Variants in SPTA1 observed in about 807,000 individuals in gnomAD.
SPTA1 encodes spectrin alpha, erythrocytic 1.
Under a neutral mutation model 324.7 loss-of-function variants are expected in SPTA1, and 177 were observed. The ratio of observed to expected loss-of-function variants is 0.55; its 90% CI spans 0.48 to 0.62. The LOEUF (loss-of-function observed/expected upper bound fraction) is 0.62, where lower values mean the gene tolerates loss of function less well. Ranked by LOEUF, SPTA1 falls within the 20% of genes least tolerant of loss-of-function variation. The pLI is 0.00. For synonymous variants in SPTA1, 1,195 were observed against 1,041.3 expected (o/e 1.15, Z -2.84); for missense variants, 3,162 against 2,883.6 (o/e 1.10, Z -2.21).
rs201048261 is a variant in SPTA1, at chr1:158,666,435, G to A, written c.2101C>T (p.Arg701Cys). The change falls in exon 16 of 52, where the codon CGC becomes TGC. Residue 701 changes from arginine to cysteine, a missense_variant. Physicochemically the swap from Arg to Cys is radical, Grantham distance 180 (BLOSUM62 -3). Coordinates refer to ENST00000643759, the MANE Select transcript of SPTA1 (RefSeq NM_003126.4). Reference sequence around the variant, plus strand: ...TGCCACTCAACATCCTCCAGCCAGCGCTGCAAATCTTCTGCATTATTTTCA... The same window carrying A: ...TGCCACTCAACATCCTCCAGCCAGCACTGCAAATCTTCTGCATTATTTTCA... Reference protein sequence around the residue: ...QFENNAEDLQRWLEDVEWQVT... With the variant: ...QFENNAEDLQCWLEDVEWQVT... 1.4e-5 allele frequency: 22 copies of A among 1,613,312 alleles called. No homozygotes were observed. Among genetic ancestry groups the A allele is most frequent in the Admixed American group, 5.0e-5 (3 of 59,974 alleles).
At chr1:158,648,064 T>G (rs1652133255) in intron 26 of SPTA1, among the ~76,000 whole-genome samples, 1 of 152,162 alleles carries the variant, frequency 6.6e-6, no homozygotes, top group Non-Finnish European at 1.5e-5. Flanking sequence ...AGCCTCTGAG[T>G]ATATCTGACA....
intron 39 of SPTA1, among the ~76,000 whole-genome samples, chr1:158,633,678 A>G (rs930176731): frequency 1.3e-5 from 2 of 149,882 alleles, no homozygotes; most frequent in African/African-American, 2.5e-5. Context: ...AAAAAAAAAA[A>G]GAAAAGAAAA....
chr1:158,685,780 A>G (rs425256), intron 1 of SPTA1, among the ~76,000 whole-genome samples: 150,336 of 152,268 alleles, frequency 0.99, 74,237 homozygotes, highest in East Asian at 1. Flanking sequence ...CTTGCAATTA[A>G]TTTAGTTAAT....
intron 51 of SPTA1, 76 bp from the exon 52 acceptor site, chr1:158,611,465 G>A (rs114172862): frequency 9.0e-5 from 140 of 1,558,024 alleles, no homozygotes; most frequent in Admixed American, 1.7e-4. Flanking sequence ...CCCATATTAC[G>A]CCATAAATGC....
At chr1:158,641,735 T>C (rs1651595003) in intron 33 of SPTA1, among the ~76,000 whole-genome samples, 1 of 152,180 alleles carries the variant, frequency 6.6e-6, no homozygotes, top group Non-Finnish European at 1.5e-5. Context: ...GTTCAACCAT[T>C]GGGGAAGACA....
intron 12 of SPTA1, among the ~76,000 whole-genome samples, chr1:158,670,700 T>C (rs2101912623): frequency 6.6e-6 from 1 of 152,318 alleles, no homozygotes; most frequent in African/African-American, 2.4e-5. Context: ...TCACCAGCTT[T>C]CTGGGACATT....
At chr1:158,655,832 T>C (rs990488268) in intron 20 of SPTA1, among the ~76,000 whole-genome samples, 5 of 152,180 alleles carry the variant, frequency 3.3e-5, no homozygotes, top group Non-Finnish European at 5.9e-5. Flanking sequence ...TCTCAACCAA[T>C]TGCATCTTCC....
chr1:158,658,348 A>G (rs140159694), intron 18 of SPTA1, among the ~76,000 whole-genome samples: 110 of 152,304 alleles, frequency 7.2e-4, no homozygotes, highest in African/African-American at 2.5e-3. Context: ...ACAGAGAGAT[A>G]GACCTTTTCA....
In SPTA1 at chr1:158,659,651, C is replaced by T. The variant is rs1308566796; in HGVS notation, c.2587+1636G>A. On this transcript the variant is annotated intron_variant, in intron 18 of 51. Coordinates refer to ENST00000643759, the MANE Select transcript of SPTA1 (RefSeq NM_003126.4). ...CGGAGTCTCGCTCTGTCGCCCAGGC[C>T]GGACTGCGGACTGCAGTGGCGCAAT... is the stretch of plus-strand genomic sequence containing the variant. Among the ~76,000 whole-genome samples the T allele has an allele frequency of 3.8e-4, 17 of 44,250 alleles. 4 individuals are homozygous for T. Among genetic ancestry groups the T allele is most frequent in the Admixed American group, 3.4e-3 (12 of 3,558 alleles). The allele number at this position is 44,250 out of a possible 152,430, so 29.0% of individuals were successfully genotyped here.
chr1:158,680,578 C>T lies in SPTA1; in HGVS notation c.678+5G>A. On this transcript the variant is annotated splice_donor_5th_base_variant and intron_variant, in intron 5 of 51. Coordinates refer to ENST00000643759, the MANE Select transcript of SPTA1 (RefSeq NM_003126.4). Reference sequence around the variant, plus strand: ...CACGGAGTGAATATTTTGCTCCCACCTCACCTCGGCACACTCATTGGCATA... The same window carrying T: ...CACGGAGTGAATATTTTGCTCCCACTTCACCTCGGCACACTCATTGGCATA... The T allele has an allele frequency of 6.2e-7, 1 of 1,613,786 alleles. No homozygotes were observed. The highest frequency in any genetic ancestry group is 8.5e-7 in the Non-Finnish European group (1 of 1,179,796).
chr1:158,639,172 C>T (rs935685311), intron 35 of SPTA1: 10 of 200,840 alleles, frequency 5.0e-5, no homozygotes, highest in Non-Finnish European at 1.0e-4. Flanking sequence ...GAATCCTTGA[C>T]AGGATTTCCA....
Position 158,643,427 on chromosome 1 carries a change from T to G in SPTA1, c.4339-2A>C, listed in dbSNP as rs368931075. On this transcript the variant is annotated splice_acceptor_variant, in intron 30 of 51. Coordinates refer to ENST00000643759, the MANE Select transcript of SPTA1 (RefSeq NM_003126.4). LOFTEE classifies it high-confidence loss of function. ...TTCTAGGTCAGTGATCTTCCCTTCC[T>G]AAATAAAGGAAAAGGAAAGAGCCCA... 3 of 1,613,024 alleles carry G rather than the reference T, an allele frequency of 1.9e-6. No homozygotes were observed. Among genetic ancestry groups the G allele is most frequent in the Non-Finnish European group, 2.5e-6 (3 of 1,179,696 alleles).
intron 5 of SPTA1, among the ~76,000 whole-genome samples, chr1:158,680,131 A>G (rs413514): frequency 0.33 from 50,325 of 151,978 alleles, 9,464 homozygotes; most frequent in South Asian, 0.55. Context: ...TTCCTTCCTC[A>G]ATCCTCCGAA....
In SPTA1 at chr1:158,647,655, C is replaced by A. The variant is rs1375348615; in HGVS notation, c.3780G>T (p.Leu1260=). ...CATTCAGCTCCATTTTCTGTCTCTG[C>A]AGGTCCTCAGTGGCATCTGGATGGG... The part of the protein sequence containing the change: ...SESHPDATED[L]QRQKMELNEA... The change falls in exon 27 of 52, where the codon CTG becomes CTT. Residue 1260 remains leucine (L), a synonymous_variant. Transcript: ENST00000643759. 2 of 1,613,974 alleles carry A rather than the reference C, an allele frequency of 1.2e-6. No homozygotes were observed. The highest frequency in any genetic ancestry group is 8.5e-7 in the Non-Finnish European group (1 of 1,179,934).
At position 158,659,597 on chromosome 1, in the gene SPTA1, T is replaced by TA. The variant is rs1449342226; in HGVS notation, c.2587+1689_2587+1690insT. Among the ~76,000 whole-genome samples the TA allele has an allele frequency of 2.6e-4, 15 of 58,662 alleles. 1 individual carries two copies. Among genetic ancestry groups the TA allele is most frequent in the Non-Finnish European group, 4.4e-4 (10 of 22,486 alleles). The allele number at this position is 58,662 out of a possible 152,430, so 38.5% of individuals were successfully genotyped here. A position where few individuals can be genotyped will look rare whatever the true frequency, so the allele number is the denominator to read the frequency against. On this transcript the variant is annotated intron_variant, in intron 18 of 51. Transcript: ENST00000643759. ...AAGAAAATAATAGTCTTAGCATTAT[T>TA]TTTTTTTTTTTTTTTTTTTTTTTTG... is the stretch of plus-strand genomic sequence containing the variant.
At chr1:158,640,188 A>C (rs1042647978) in intron 33 of SPTA1, among the ~76,000 whole-genome samples, 181 bp from the exon 34 acceptor site, 1 of 152,240 alleles carries the variant, frequency 6.6e-6, no homozygotes, top group Admixed American at 6.5e-5. Flanking sequence ...GTTGTTGGAC[A>C]AAAGAGAAAG....
intron 11 of SPTA1, 37 bp from the exon 12 acceptor site, chr1:158,671,490 G>T: frequency 2.0e-6 from 3 of 1,518,182 alleles, no homozygotes; most frequent in Non-Finnish European, 1.8e-6. Flanking sequence ...AGCTGTGTCT[G>T]ACCGGTAAGA....
At position 158,612,541 on chromosome 1, in the gene SPTA1, T is replaced by C. The variant is rs565225913; in HGVS notation, c.7134+276A>G. The C allele has an allele frequency of 2.2e-3, 962 of 429,694 alleles. 3 individuals carry two copies. Among genetic ancestry groups the C allele is most frequent in the Non-Finnish European group, 3.2e-3 (745 of 233,902 alleles). 26.6% of individuals were successfully genotyped at this position (429,694 alleles called of 1,614,324 possible). ...AACATAGTAAGCATTCAATAAATGC[T>C]CTTTGAATTAATGAGGAAAAAAAAA... On this transcript the variant is annotated intron_variant, in intron 51 of 51. Transcript: ENST00000643759.
intron 27 of SPTA1, 137 bp from the exon 28 acceptor site, chr1:158,645,731 C>T: frequency 1.1e-6 from 1 of 879,298 alleles, no homozygotes; most frequent in Admixed American, 2.0e-5. Context: ...CTTTACAGAT[C>T]TTACGTTTGC....
Sources: allele counts gnomAD v4.1 joint callset (sites outside exome capture counted in the v4.1 genomes callset), GRCh38; gene constraint gnomAD v4.1.1; transcripts MANE v1.5; gene names NCBI Gene and HGNC (gene_info 2026-07-23, HGNC 2026-07-21).